The following STK39 variants were observed in gnomAD, a reference collection of about 807,000 sequenced individuals.
The protein encoded by STK39 is STE20/SPS1-related proline-alanine-rich protein kinase.
Under a neutral mutation model 77.8 loss-of-function variants are expected in STK39, and 20 were observed. The ratio of observed to expected loss-of-function variants is 0.26; its 90% CI spans 0.18 to 0.37. The LOEUF is 0.37. Among genes scored for constraint, STK39 ranks in the 10% least tolerant of loss-of-function variants. The pLI is 1.00. For missense variants in STK39, 479 were observed against 656.5 expected (o/e 0.73, Z 2.95); for synonymous variants, 246 against 234.1 (o/e 1.05, Z -0.47).
chr2:168,052,246 G>C (rs1574423229), intron 14 of STK39, among the ~76,000 whole-genome samples: 1 of 152,050 alleles, frequency 6.6e-6, no homozygotes, highest in African/African-American at 2.4e-5. Context: ...TGCAGTTCTT[G>C]CCTGCTGGAC....
At chr2:168,209,163 C>T (rs1018483822) in intron 1 of STK39, among the ~76,000 whole-genome samples, 3 of 151,996 alleles carry the variant, frequency 2.0e-5, no homozygotes, top group South Asian at 2.1e-4. Flanking sequence ...CCCCTAGGCC[C>T]GTAGGAAGCA....
At chr2:167,988,867 C>G (rs1435312025) in intron 16 of STK39, among the ~76,000 whole-genome samples, 1 of 152,160 alleles carries the variant, frequency 6.6e-6, no homozygotes, top group Admixed American at 6.5e-5. Flanking sequence ...AGCTTACCTG[C>G]CTGCTCAGAG....
At chr2:167,974,405 G>A (rs553971111) in intron 16 of STK39, among the ~76,000 whole-genome samples, 8 of 152,088 alleles carry the variant, frequency 5.3e-5, no homozygotes, top group African/African-American at 1.9e-4. Flanking sequence ...GCTACAGAGG[G>A]CCCCTGAAGC....
chr2:168,035,778 A>G (rs937975724), intron 14 of STK39, among the ~76,000 whole-genome samples: 1 of 152,178 alleles, frequency 6.6e-6, no homozygotes, highest in African/African-American at 2.4e-5. Context: ...AAAGGTGTCT[A>G]ATGTGCTGTC....
intron 10 of STK39, among the ~76,000 whole-genome samples, chr2:168,109,820 AC>A (rs1450288247): frequency 6.6e-6 from 1 of 152,228 alleles, no homozygotes; most frequent in Non-Finnish European, 1.5e-5. Context: ...ATGATGCTGC[AC>A]ATCCTTTGAT....
At chr2:168,027,738 G>A (rs774091087) in intron 14 of STK39, among the ~76,000 whole-genome samples, 9 of 152,160 alleles carry the variant, frequency 5.9e-5, no homozygotes, top group Non-Finnish European at 8.8e-5. Flanking sequence ...TTCTGCAACT[G>A]GAACCTCAGG....
At chr2:168,126,708 T>C (rs1028725572) in intron 10 of STK39, among the ~76,000 whole-genome samples, 1 of 152,146 alleles carries the variant, frequency 6.6e-6, no homozygotes, top group East Asian at 1.9e-4. Context: ...GCACTTACTA[T>C]GAATGAGAAA....
chr2:167,956,682 ACACACACACACACACTCTCTCT>A (rs1347476809), intron 17 of STK39, among the ~76,000 whole-genome samples: 1 of 42,856 alleles, frequency 2.3e-5, no homozygotes, highest in Non-Finnish European at 5.0e-5. Flanking sequence ...ACACACACAC[ACACACACACACACACTCTCTCT>A]CTCTCTCTCT....
At position 168,231,399 on chromosome 2, in the gene STK39, G is replaced by A. The variant is rs1407003832; in HGVS notation, c.208+15829C>T. Among the ~76,000 whole-genome samples the A allele has an allele frequency of 4.6e-5, 7 of 151,886 alleles. No individual in the cohort carries two copies. In the South Asian group the frequency reaches 1.2e-3, roughly 27 times the overall value. On this transcript the variant is annotated intron_variant, in intron 1 of 17. Coordinates refer to ENST00000355999, the MANE Select transcript of STK39 (RefSeq NM_013233.3). ...ACAGAAAGGATTTCCAATTTCTCAG[G>A]AGGAAAATAACATGACACCAGCACA...
chr2:167,994,288 CAAACTGAGTATACAG>C (rs778761353), intron 16 of STK39, among the ~76,000 whole-genome samples: 1 of 152,004 alleles, frequency 6.6e-6, no homozygotes, highest in Non-Finnish European at 1.5e-5. Context: ...AGTAGTACTT[CAAACTGAGTATACAG>C]AAAATAATAC....
chr2:168,054,348 C>A (rs978189483), intron 14 of STK39, among the ~76,000 whole-genome samples: 2 of 152,200 alleles, frequency 1.3e-5, no homozygotes, highest in Non-Finnish European at 2.9e-5. Context: ...GACTTTAAAC[C>A]TTAATCTCCC....
chr2:168,004,012 T>G (rs1053321666), intron 16 of STK39, among the ~76,000 whole-genome samples: 1 of 152,186 alleles, frequency 6.6e-6, no homozygotes, highest in Non-Finnish European at 1.5e-5. Context: ...GACTTAAATA[T>G]CCCTGACTGT....
At chr2:168,197,985 C>G (rs1273640071) in intron 1 of STK39, among the ~76,000 whole-genome samples, 22 of 151,438 alleles carry the variant, frequency 1.5e-4, no homozygotes. Context: ...GTGCAGTGAG[C>G]CGAGACTGTG....
intron 8 of STK39, among the ~76,000 whole-genome samples, chr2:168,132,005 A>G (rs1687709583): frequency 6.6e-6 from 1 of 152,214 alleles, no homozygotes; most frequent in Non-Finnish European, 1.5e-5. Context: ...CTAGCAGGTA[A>G]GAGCAGTGTG....
chr2:167,973,098 T>C (rs1304033491), intron 16 of STK39, among the ~76,000 whole-genome samples: 1 of 152,194 alleles, frequency 6.6e-6, no homozygotes, highest in African/African-American at 2.4e-5. Flanking sequence ...AATGTTTATA[T>C]AAAAGAGCTC....
At chr2:168,136,230 GTGGTGACACACGCC>G (rs1687833369) in intron 8 of STK39, among the ~76,000 whole-genome samples, 1 of 151,720 alleles carries the variant, frequency 6.6e-6, no homozygotes, top group Admixed American at 6.6e-5. Flanking sequence ...TTAGCCTGGC[GTGGTGACACACGCC>G]TGTAGTCCCA....
At chr2:168,211,290 C>T (rs1195075729) in intron 1 of STK39, among the ~76,000 whole-genome samples, 1 of 152,218 alleles carries the variant, frequency 6.6e-6, no homozygotes, top group East Asian at 1.9e-4. Context: ...AACTTCCCTG[C>T]TCCACACAAG....
intron 1 of STK39, among the ~76,000 whole-genome samples, chr2:168,221,721 T>C (rs1409488926): frequency 6.6e-6 from 1 of 152,160 alleles, no homozygotes; most frequent in African/African-American, 2.4e-5. Flanking sequence ...CTGCAGACTT[T>C]CCAAGTTCCT....
intron 14 of STK39, among the ~76,000 whole-genome samples, chr2:168,030,585 T>G (rs1574406329): frequency 1.3e-5 from 2 of 152,112 alleles, no homozygotes; most frequent in African/African-American, 2.4e-5. Flanking sequence ...TAATAAGAAG[T>G]GTTAACGCCA....
Sources: allele counts gnomAD v4.1 joint callset (sites outside exome capture counted in the v4.1 genomes callset), GRCh38; gene constraint gnomAD v4.1.1; transcripts MANE v1.5; gene names NCBI Gene and HGNC (gene_info 2026-07-23, HGNC 2026-07-21).